SORCS2: variants seen among roughly 807,000 people sequenced by gnomAD.
The protein encoded by SORCS2 is sortilin related VPS10 domain containing receptor 2, also known as VPS10 domain-containing receptor SorCS2.
Under a neutral mutation model 141.6 loss-of-function variants are expected in SORCS2, and 100 were observed. That is an observed-to-expected ratio of 0.71 (90% CI 0.60 to 0.83). The LOEUF is 0.83. Ranked by LOEUF, SORCS2 falls within the 40% of genes least tolerant of loss-of-function variation. The pLI is 0.00. For synonymous variants in SORCS2, 789 were observed against 676.9 expected, an observed-to-expected ratio of 1.17 and a Z score of -2.57; for missense variants, 1,646 against 1,560.2, an observed-to-expected ratio of 1.05 and a Z score of -0.93.
At chr4:7,261,896 T>A (rs1714353385) in intron 1 of SORCS2, among the ~76,000 whole-genome samples, 1 of 152,256 alleles carries the variant, frequency 6.6e-6, no homozygotes, top group Non-Finnish European at 1.5e-5. Flanking sequence ...ATCCTTTCCA[T>A]GTGATTTGTG....
intron 2 of SORCS2, among the ~76,000 whole-genome samples, chr4:7,523,722 G>C (rs1733487221): frequency 1.3e-5 from 2 of 152,150 alleles, no homozygotes; most frequent in African/African-American, 4.8e-5. Context: ...TATGTGATTG[G>C]ACTATCGACC....
chr4:7,393,343 G>A lies in SORCS2; in HGVS notation c.481-2945G>A, dbSNP rs563545249. On this transcript the variant is annotated intron_variant, in intron 1 of 26. Transcript: ENST00000507866. ...GATCAAAGAGCCCCAAGGCTAACAC[G>A]TCAGCCACTGAAAAAAACTGTCCCG... Among the ~76,000 whole-genome samples the A allele has an allele frequency of 1.7e-3, 260 of 152,194 alleles. 2 individuals are homozygous for A. Among genetic ancestry groups the A allele is most frequent in the Non-Finnish European group, 2.8e-3 (191 of 67,992 alleles).
intron 1 of SORCS2, among the ~76,000 whole-genome samples, chr4:7,204,404 A>G (rs1189418473): frequency 1.3e-5 from 2 of 151,950 alleles, no homozygotes; most frequent in African/African-American, 4.8e-5. Flanking sequence ...TTTAGTAGAG[A>G]TGGGGGTTTT....
At chr4:7,373,104 G>A (rs1487339747) in intron 1 of SORCS2, among the ~76,000 whole-genome samples, 4 of 150,584 alleles carry the variant, frequency 2.7e-5, no homozygotes, top group African/African-American at 7.3e-5. Context: ...TAAATACGTA[G>A]CCGTGACATG....
intron 5 of SORCS2, among the ~76,000 whole-genome samples, chr4:7,657,129 C>T (rs1721828208): frequency 6.6e-6 from 1 of 152,246 alleles, no homozygotes; most frequent in African/African-American, 2.4e-5. Flanking sequence ...GGCCTCAGGC[C>T]ACCTGTACAC....
At chr4:7,552,483 C>G (rs1212366803) in intron 3 of SORCS2, among the ~76,000 whole-genome samples, 2 of 152,184 alleles carry the variant, frequency 1.3e-5, no homozygotes, top group African/African-American at 4.8e-5. Context: ...CCAGTCCAAG[C>G]TTCCCCAGGT....
At chr4:7,353,210 G>A (rs780790362) in intron 1 of SORCS2, among the ~76,000 whole-genome samples, 6 of 152,216 alleles carry the variant, frequency 3.9e-5, no homozygotes, top group South Asian at 2.1e-4. Flanking sequence ...CAGAGGTGGT[G>A]TTGGAGGTGC....
chr4:7,628,829 G>A (rs950502859), intron 3 of SORCS2, among the ~76,000 whole-genome samples: 1 of 152,158 alleles, frequency 6.6e-6, no homozygotes, highest in East Asian at 1.9e-4. Flanking sequence ...TAATGCCACT[G>A]AACTGTACAC....
chr4:7,740,333 T>C lies in SORCS2; in HGVS notation c.*69T>C. The C allele has an allele frequency of 7.0e-7, 1 of 1,438,668 alleles. No individual in the cohort carries two copies. The highest frequency in any genetic ancestry group is 9.6e-7 in the Non-Finnish European group (1 of 1,043,268). The allele number at this position is 1,438,668 out of a possible 1,614,324, so 89.1% of individuals were successfully genotyped here. On this transcript the variant is annotated 3_prime_UTR_variant, in exon 27 of 27. Coordinates refer to ENST00000507866, the MANE Select transcript of SORCS2 (RefSeq NM_020777.3). Reference sequence around the variant, plus strand: ...CCACCAGCAAAGCCGGCGGCTGGACTGGCGCCCCTCAGAGACCTGCGGAAA... The same window carrying C: ...CCACCAGCAAAGCCGGCGGCTGGACCGGCGCCCCTCAGAGACCTGCGGAAA...
intron 3 of SORCS2, among the ~76,000 whole-genome samples, chr4:7,560,409 C>T (rs941692058): frequency 6.6e-5 from 10 of 152,024 alleles, no homozygotes; most frequent in African/African-American, 1.9e-4. Context: ...AGACAGACCC[C>T]GCTGTCAGGT....
intron 2 of SORCS2, among the ~76,000 whole-genome samples, chr4:7,528,972 C>T (rs1733864997): frequency 6.6e-6 from 1 of 152,232 alleles, no homozygotes; most frequent in Admixed American, 6.5e-5. Flanking sequence ...TGTGCGCGGC[C>T]TTCTCTGTGT....
intron 3 of SORCS2, among the ~76,000 whole-genome samples, chr4:7,551,959 C>G (rs1018515359): frequency 6.6e-6 from 1 of 152,176 alleles, no homozygotes; most frequent in African/African-American, 2.4e-5. Flanking sequence ...GCGTTGCCTG[C>G]TCTGCAAATC....
At chr4:7,573,064 GC>G (rs1390459060) in intron 3 of SORCS2, among the ~76,000 whole-genome samples, 1 of 152,196 alleles carries the variant, frequency 6.6e-6, no homozygotes, top group Non-Finnish European at 1.5e-5. Context: ...GTGTGTTGCT[GC>G]TTTTTGAAAA....
rs554320871 is a variant in SORCS2, at chr4:7,737,493, G to A, written c.3415+321G>A. Among the ~76,000 whole-genome samples the A allele has an allele frequency of 6.6e-5, 10 of 152,308 alleles. No individual in the cohort carries two copies. In the East Asian group the frequency reaches 1.5e-3, roughly 24 times the overall value. On this transcript the variant is annotated intron_variant, in intron 26 of 26. Transcript: ENST00000507866. ...ACGGGAAACAGGGCTGGCTTTGAAA[G>A]GAAGCCTGACTCGGGCCTCAGGACG...
At chr4:7,711,941 G>A (rs1725848025) in intron 14 of SORCS2, among the ~76,000 whole-genome samples, 1 of 152,050 alleles carries the variant, frequency 6.6e-6, no homozygotes, top group African/African-American at 2.4e-5. Flanking sequence ...CTCGGTCATG[G>A]AGCTACCTGG....
chr4:7,697,648 C>T (rs533924831), intron 12 of SORCS2, among the ~76,000 whole-genome samples: 101 of 152,336 alleles, frequency 6.6e-4, no homozygotes, highest in South Asian at 1.2e-3. Context: ...CCACATGGTG[C>T]TTCTGAGCCT....
At chr4:7,376,617 C>A (rs908281227) in intron 1 of SORCS2, among the ~76,000 whole-genome samples, 4 of 152,076 alleles carry the variant, frequency 2.6e-5, no homozygotes, top group African/African-American at 7.2e-5. Flanking sequence ...TCACTAATAC[C>A]CAGAGGTCAT....
chr4:7,535,956 A>G (rs1353577867), intron 3 of SORCS2, among the ~76,000 whole-genome samples: 1 of 152,242 alleles, frequency 6.6e-6, no homozygotes, highest in Non-Finnish European at 1.5e-5. Flanking sequence ...GAACCGGGGC[A>G]GCGATTTGTT....
At chr4:7,337,768 A>C (rs902278981) in intron 1 of SORCS2, among the ~76,000 whole-genome samples, 5 of 152,192 alleles carry the variant, frequency 3.3e-5, no homozygotes, top group African/African-American at 1.2e-4. Context: ...CTTACTCCCT[A>C]CCAGGGTTTG....
Sources: gnomAD v4.1 joint callset for allele counts (sites outside exome capture counted in the v4.1 genomes callset) on GRCh38, gnomAD v4.1.1 for gene constraint, MANE v1.5 for transcripts, NCBI Gene and HGNC (gene_info 2026-07-23, HGNC 2026-07-21) for gene names.